KDM4A: variants seen among roughly 807,000 people sequenced by gnomAD.
The protein encoded by KDM4A is lysine demethylase 4A.
A neutral mutation model predicts 127.1 loss-of-function variants in KDM4A; 23 were observed. The ratio of observed to expected loss-of-function variants is 0.18; its 90% confidence interval spans 0.13 to 0.26. The LOEUF is 0.26. KDM4A is among the 10% of genes least tolerant of loss of function. KDM4A has a pLI of 1.00. For missense variants in KDM4A, 890 were observed against 1,329.1 expected, an observed-to-expected ratio of 0.67 and a Z score of 5.14; for synonymous variants, 443 against 466.5, an observed-to-expected ratio of 0.95 and a Z score of 0.65.
intron 6 of KDM4A, chr1:43,666,217 T>C: frequency 4.0e-6 from 2 of 499,794 alleles, no homozygotes; most frequent in Non-Finnish European, 7.0e-6. Flanking sequence ...GCAGCTTGGG[T>C]GACCTTGGTT....
intron 9 of KDM4A, 39 bp from the exon 10 acceptor site, chr1:43,669,061 A>G (rs1660561739): frequency 3.1e-6 from 5 of 1,602,750 alleles, no homozygotes; most frequent in Middle Eastern, 1.7e-4. Flanking sequence ...AAGTGGATGT[A>G]TATGTGGGCT....
At chr1:43,683,153 C>T (rs1046824796) in intron 11 of KDM4A, among the ~76,000 whole-genome samples, 4 of 152,234 alleles carry the variant, frequency 2.6e-5, no homozygotes, top group Admixed American at 6.5e-5. Context: ...TATCTGCTAG[C>T]GCGAAGTCTT....
intron 5 of KDM4A, among the ~76,000 whole-genome samples, chr1:43,664,787 T>A (rs1660462641): frequency 6.6e-6 from 1 of 152,216 alleles, no homozygotes; most frequent in Non-Finnish European, 1.5e-5. Flanking sequence ...CTCCTGGATT[T>A]TTGAATTCTC....
chr1:43,665,794 C>G (rs188850156), intron 6 of KDM4A, 49 bp downstream of exon 6: 130 of 1,586,846 alleles, frequency 8.2e-5, no homozygotes, highest in Admixed American at 1.3e-4. Context: ...ATGAGCTGTG[C>G]TCCTTGCTCT....
rs760816864 is a variant in KDM4A, at chr1:43,655,663, A to G, written c.211A>G (p.Ile71Val). ...DIDDLVIPAP[I>V]QQLVTGQSGL... The stretch of plus-strand genomic sequence containing the variant: ...TGATGATTTGGTCATTCCTGCCCCC[A>G]TTCAACAGCTGGTGACGGGGCAGTC... Residue 71 changes from isoleucine (I) to valine (V), a missense_variant, in exon 3 of 22, where the codon ATT becomes GTT. Ile to Val is a conservative substitution (Grantham distance 29). Around this residue, in one of 7 missense-constraint regions of KDM4A, gnomAD observed 29 missense variants for 64.3 expected, o/e 0.45. Coordinates refer to ENST00000372396, the MANE Select transcript of KDM4A (RefSeq NM_014663.3). 1.2e-6 allele frequency: 2 copies of G among 1,613,856 alleles called. No homozygotes were observed. Among genetic ancestry groups the G allele is most frequent in the South Asian group, 1.1e-5 (1 of 91,010 alleles).
intron 11 of KDM4A, among the ~76,000 whole-genome samples, chr1:43,673,277 T>TTATTCCC (rs1660667940): frequency 6.6e-6 from 1 of 152,118 alleles, no homozygotes; most frequent in South Asian, 2.1e-4. Context: ...AAGGTCCTCT[T>TTATTCCC]TATTCCCTAT....
chr1:43,689,187 C>T, intron 13 of KDM4A, 92 bp downstream of exon 13: 1 of 1,362,882 alleles, frequency 7.3e-7, no homozygotes, highest in Non-Finnish European at 1.0e-6. Context: ...CACTGGTTGT[C>T]TTGGGAAAGG....
At chr1:43,697,329 G>A (rs536173976) in intron 18 of KDM4A, among the ~76,000 whole-genome samples, 12 of 152,396 alleles carry the variant, frequency 7.9e-5, no homozygotes, top group Non-Finnish European at 1.8e-4. Context: ...GGGCACCAGA[G>A]ATGGCAATGG....
chr1:43,698,308 G>C (rs1408878678), intron 19 of KDM4A, among the ~76,000 whole-genome samples: 1 of 152,230 alleles, frequency 6.6e-6, no homozygotes, highest in Non-Finnish European at 1.5e-5. Context: ...TGCAATAGGA[G>C]AGCCCAGGCT....
At chr1:43,666,708 C>T (rs773543351) in intron 7 of KDM4A, among the ~76,000 whole-genome samples, 153 bp downstream of exon 7, 3 of 152,162 alleles carry the variant, frequency 2.0e-5, no homozygotes, top group Non-Finnish European at 4.4e-5. Context: ...AAAGGTGGGG[C>T]CACTGTAGCT....
Position 43,690,960 on chromosome 1 carries a change from C to G in KDM4A, c.2153C>G (p.Thr718Arg). ...TGCTTCACTTCGACTGGCTGCAGCA[C>G]GGACATCAACCTTTCTACTCCTTAT... ...EMCFTSTGCSTDINLSTPYLE... is the reference protein window; with the variant it reads ...EMCFTSTGCSRDINLSTPYLE... Residue 718 changes from threonine (T) to arginine (R), a missense_variant, in exon 14 of 22, where the codon ACG (threonine) becomes AGG (arginine). Thr to Arg is a moderately conservative substitution (Grantham distance 71). Around this residue, in one of 7 missense-constraint regions of KDM4A, gnomAD observed 389 missense variants for 485.9 expected, o/e 0.80. Transcript: ENST00000372396. 6.2e-7 allele frequency: 1 copy of G among 1,614,206 alleles called. No homozygotes were observed. The highest frequency in any genetic ancestry group is 8.5e-7 in the Non-Finnish European group (1 of 1,180,046).
chr1:43,703,749 C>G lies in KDM4A; in HGVS notation c.2961+13C>G. 1 of 1,613,940 alleles carries G rather than the reference C, an allele frequency of 6.2e-7. No individual in the cohort carries two copies. Among genetic ancestry groups the G allele is most frequent in the Non-Finnish European group, 8.5e-7 (1 of 1,179,932 alleles). The stretch of plus-strand genomic sequence containing the variant: ...CCAAATGTACCAGGTATCCAAAGTT[C>G]TACCTTTCTAGGGAGTGGGGGGTGC... On this transcript the variant is annotated intron_variant, in intron 20 of 21. Coordinates refer to ENST00000372396, the MANE Select transcript of KDM4A (RefSeq NM_014663.3).
chr1:43,656,979 T>C (rs2154046418), intron 3 of KDM4A, among the ~76,000 whole-genome samples: 1 of 152,074 alleles, frequency 6.6e-6, no homozygotes, highest in Non-Finnish European at 1.5e-5. Flanking sequence ...CATGGCTTAC[T>C]GCAGCCTCGA....
chr1:43,677,396 A>G (rs1315511075), intron 11 of KDM4A, among the ~76,000 whole-genome samples: 2 of 151,848 alleles, frequency 1.3e-5, no homozygotes, highest in African/African-American at 2.4e-5. Context: ...GATGATAACT[A>G]TGCCATTATT....
At chr1:43,669,330 C>T in intron 10 of KDM4A, 31 bp downstream of exon 10, 1 of 1,601,400 alleles carries the variant, frequency 6.2e-7, no homozygotes. Context: ...TTTCCACAAC[C>T]CTAACTCATA....
Position 43,690,942 on chromosome 1 carries a change from C to T in KDM4A, c.2135C>T (p.Thr712Ile). The T allele has an allele frequency of 6.2e-7, 1 of 1,614,234 alleles. No individual in the cohort carries two copies. The highest frequency in any genetic ancestry group is 8.5e-7 in the Non-Finnish European group (1 of 1,180,036). Residue 712 changes from threonine to isoleucine, a missense_variant, in exon 14 of 22, where the codon ACT becomes ATT. Transcript: ENST00000372396. ...CCATTGATTCCAGAAATGTGCTTCA[C>T]TTCGACTGGCTGCAGCACGGACATC... is the stretch of plus-strand genomic sequence containing the variant. ...TKPLIPEMCFTSTGCSTDINL... is the reference protein window; with the variant it reads ...TKPLIPEMCFISTGCSTDINL...
In KDM4A at chr1:43,697,843, C is replaced by T. The variant is rs760913954; in HGVS notation, c.2671C>T (p.Arg891Cys). The change falls in exon 19 of 22, where the codon CGT (arginine) becomes TGT (cysteine). Residue 891 changes from arginine (R) to cysteine (C), a missense_variant and splice_region_variant. Arg to Cys is a radical substitution (Grantham distance 180). Transcript: ENST00000372396. The stretch of plus-strand genomic sequence containing the variant: ...AACCAAAGCCTCTGTTTTTTTCCAG[C>T]GTGCCAAGGGGGCCTTGCAAAGCAT... ...CFRHKIPNLE[R>C]AKGALQSITA... 5.0e-6 allele frequency: 8 copies of T among 1,604,850 alleles called. No individual in the cohort carries two copies. Among genetic ancestry groups the T allele is most frequent in the East Asian group, 2.2e-5 (1 of 44,792 alleles).
chr1:43,689,107 C>A lies in KDM4A; in HGVS notation c.2037+12C>A. ...AGACTTATCATCAGGTAACCCAGCT[C>A]CATGCACTCTGTTTACCCAGGACCA... On this transcript the variant is annotated intron_variant, in intron 13 of 21. Coordinates refer to ENST00000372396, the MANE Select transcript of KDM4A (RefSeq NM_014663.3). 3.1e-6 allele frequency: 5 copies of A among 1,613,000 alleles called. No homozygotes were observed. The East Asian group carries it at 1.1e-4, about 36-fold the overall frequency.
intron 9 of KDM4A, 99 bp from the exon 10 acceptor site, chr1:43,669,001 C>T: frequency 1.6e-6 from 2 of 1,260,566 alleles, no homozygotes; most frequent in South Asian, 1.3e-5. Context: ...CTGACAGGCT[C>T]TGGCCATTCA....
Sources: gnomAD v4.1 joint callset for allele counts (sites outside exome capture counted in the v4.1 genomes callset) on GRCh38, gnomAD v4.1.1 for gene constraint, gnomAD v4.1.1 regional missense constraint, MANE v1.5 for transcripts, NCBI Gene and HGNC (gene_info 2026-07-23, HGNC 2026-07-21) for gene names.